The following ASIC4 variants were observed in gnomAD, a reference collection of about 807,000 sequenced individuals.
ASIC4 encodes acid-sensing ion channel 4.
ASIC4 carries 28 observed loss-of-function variants against 53.4 expected under a neutral mutation model. The ratio of observed to expected loss-of-function variants is 0.52; its 90% CI spans 0.39 to 0.72. ASIC4 has a LOEUF of 0.72. Ranked by LOEUF, ASIC4 falls within the 30% of genes least tolerant of loss-of-function variation. The pLI, the probability that ASIC4 is intolerant of heterozygous loss-of-function variation, is 0.00. For missense variants in ASIC4, 649 were observed against 729.7 expected, an observed-to-expected ratio of 0.89 and a Z score of 1.27; for synonymous variants, 289 against 301.4, an observed-to-expected ratio of 0.96 and a Z score of 0.43.
chr2:219,528,879 C>A (rs750602728), intron 1 of ASIC4, among the ~76,000 whole-genome samples: 3 of 152,174 alleles, frequency 2.0e-5, no homozygotes, highest in Non-Finnish European at 2.9e-5. Flanking sequence ...TTCAGAGTTC[C>A]TCCACCTCCA....
chr2:219,521,709 C>A (rs1574489333), intron 1 of ASIC4, among the ~76,000 whole-genome samples: 1 of 117,984 alleles, frequency 8.5e-6, no homozygotes, highest in Non-Finnish European at 1.7e-5. Flanking sequence ...AGAGGCCGGC[C>A]TCAGGCTGCC....
chr2:219,516,645 C>A lies in ASIC4; in HGVS notation c.582+1339C>A. On this transcript the variant is annotated intron_variant, in intron 1 of 9. Coordinates refer to ENST00000358078, the MANE Select transcript of ASIC4 (RefSeq NM_018674.6). This position sits in a 1 kb window ranked among gnomAD's most constrained non-coding sequence, Gnocchi z 4.9. Reference sequence around the variant, plus strand: ...CAACATGGTGCCCACTCCAGCCCAGCCTCCAGCAGCCAGCCCCAGTGATAG... The same window carrying A: ...CAACATGGTGCCCACTCCAGCCCAGACTCCAGCAGCCAGCCCCAGTGATAG... The A allele has an allele frequency of 6.5e-6, 1 of 152,740 alleles. No individual in the cohort carries two copies. The allele number at this position is 152,740 out of a possible 1,614,324, so 9.5% of individuals were successfully genotyped here. A position where few individuals can be genotyped will look rare whatever the true frequency, so the allele number is the denominator to read the frequency against.
In ASIC4 at chr2:219,538,527, C is replaced by T. The variant is rs937279664; in HGVS notation, c.*481C>T. On this transcript the variant is annotated 3_prime_UTR_variant, in exon 10 of 10. Coordinates refer to ENST00000358078, the MANE Select transcript of ASIC4 (RefSeq NM_018674.6). ...CAGGAGTGCTGGGCTGGTCCTACTT[C>T]CTGCCCCTCTCCAGGCCCAGCTCCC... The T allele has an allele frequency of 6.1e-6, 1 of 165,146 alleles. No homozygotes were observed. The highest frequency in any genetic ancestry group is 2.4e-5 in the African/African-American group (1 of 41,482). The allele number at this position is 165,146 out of a possible 1,614,324, so 10.2% of individuals were successfully genotyped here. A position where few individuals can be genotyped will look rare whatever the true frequency, so the allele number is the denominator to read the frequency against.
chr2:219,532,746 G>A, intron 4 of ASIC4, 137 bp from the exon 5 acceptor site: 1 of 921,996 alleles, frequency 1.1e-6, no homozygotes, highest in Non-Finnish European at 1.7e-6. Context: ...ATTTGTGGGG[G>A]TTGTGTGTGT....
At chr2:219,510,942 C>T (rs1017153951), upstream of ASIC4, among the ~76,000 whole-genome samples, 1 of 152,130 alleles carries the variant, frequency 6.6e-6, no homozygotes, top group Non-Finnish European at 1.5e-5. This position sits in a 1 kb window ranked among gnomAD's most constrained non-coding sequence, Gnocchi z 5.2. Flanking sequence ...CCCCTCGGCC[C>T]CTGCACAGCC....
intron 1 of ASIC4, among the ~76,000 whole-genome samples, chr2:219,530,347 C>T (rs996771507): frequency 6.6e-6 from 1 of 152,258 alleles, no homozygotes; most frequent in African/African-American, 2.4e-5. Context: ...GGCGCCAGCG[C>T]CATCTGCTGT....
At position 219,537,005 on chromosome 2, in the gene ASIC4, C is replaced by T; in HGVS notation, c.1230-61C>T. ...ATCAGGATCTGCTGGATCCAGGATG[C>T]CCCTGCCAGCCTTCTCAGGAAGAGA... On this transcript the variant is annotated intron_variant, in intron 6 of 9. Coordinates refer to ENST00000358078, the MANE Select transcript of ASIC4 (RefSeq NM_018674.6). This position sits in a 1 kb window ranked among gnomAD's most constrained non-coding sequence, Gnocchi z 4.9. 6.9e-7 allele frequency: 1 copy of T among 1,451,200 alleles called. No homozygotes were observed. The allele number at this position is 1,451,200 out of a possible 1,614,324, so 89.9% of individuals were successfully genotyped here. A position where few individuals can be genotyped will look rare whatever the true frequency, so the allele number is the denominator to read the frequency against.
the ASIC4 span, among the ~76,000 whole-genome samples, chr2:219,508,212 C>T: frequency 3.3e-5 from 5 of 152,172 alleles, no homozygotes; most frequent in Non-Finnish European, 7.3e-5. Flanking sequence ...AGAGGGTGGG[C>T]CATAGGACCA....
chr2:219,535,025 C>G, intron 5 of ASIC4, 146 bp from the exon 6 acceptor site: 1 of 1,241,670 alleles, frequency 8.1e-7, no homozygotes, highest in Non-Finnish European at 1.1e-6. Flanking sequence ...CCAGTCCCCT[C>G]TAGGAAGCAC....
chr2:219,519,104 C>T (rs956237199), intron 1 of ASIC4, among the ~76,000 whole-genome samples: 2 of 152,188 alleles, frequency 1.3e-5, no homozygotes, highest in African/African-American at 2.4e-5. Flanking sequence ...TGGGGTTTCA[C>T]TGTGTTAGCC....
chr2:219,516,364 CT>C lies in ASIC4; in HGVS notation c.582+1059del, dbSNP rs370365792. 2.3e-4 allele frequency among the ~76,000 whole-genome samples: 35 copies of C among 152,268 alleles called. No individual in the cohort carries two copies. Among genetic ancestry groups the C allele is most frequent in the Middle Eastern group, 3.4e-3 (1 of 294 alleles). On this transcript the variant is annotated intron_variant, in intron 1 of 9. Transcript: ENST00000358078. The surrounding 1 kb of genome is among the most constrained non-coding windows in gnomAD (Gnocchi z 4.9). ...ACGTGTGAGCACAAACACAAGCACCCTCTCCGGGAGAGGGGTGTGAGCTTGG... is the reference window on the plus strand; with the variant it reads ...ACGTGTGAGCACAAACACAAGCACCCCTCCGGGAGAGGGGTGTGAGCTTGG...
In ASIC4 at chr2:219,514,871, C is replaced by T. The variant is rs760425898; in HGVS notation, c.147C>T (p.Ser49=). 1.9e-6 allele frequency: 3 copies of T among 1,612,854 alleles called. No homozygotes were observed. Among genetic ancestry groups the T allele is most frequent in the African/African-American group, 2.7e-5 (2 of 74,886 alleles). ...PRDLATFAST[S]TLHGLGRACG... ...ACCTGGCCACCTTTGCCAGCACCAG[C>T]ACCCTGCATGGACTGGGCCGGGCCT... The change falls in exon 1 of 10, where the codon AGC becomes AGT. Residue 49 remains serine (S), a synonymous_variant. Transcript: ENST00000358078.
In ASIC4 at chr2:219,526,632, G is replaced by A. The variant is rs75375681; in HGVS notation, c.583-5126G>A. Among the ~76,000 whole-genome samples the A allele has an allele frequency of 6.8e-3, 1,036 of 152,202 alleles. 4 individuals are homozygous for A. The highest frequency in any genetic ancestry group is 0.041 in the Middle Eastern group (12 of 294). On this transcript the variant is annotated intron_variant, in intron 1 of 9. Coordinates refer to ENST00000358078, the MANE Select transcript of ASIC4 (RefSeq NM_018674.6). ...GAGAAGGACTCGAGAGACAGACTGA[G>A]ATCAGGAAACAGAGGCTAGCGAGGC...
chr2:219,508,295 G>A, the ASIC4 span, among the ~76,000 whole-genome samples: 1 of 152,176 alleles, frequency 6.6e-6, no homozygotes. Flanking sequence ...AGAGGCCATG[G>A]CAGCTCCATC....
the ASIC4 span, among the ~76,000 whole-genome samples, chr2:219,508,583 C>CA: frequency 6.6e-6 from 1 of 151,976 alleles, no homozygotes; most frequent in Non-Finnish European, 1.5e-5. Context: ...ATGCCCCCCC[C>CA]ACTCCTCCCC....
At chr2:219,531,163 A>G (rs1040361820) in intron 1 of ASIC4, among the ~76,000 whole-genome samples, 1 of 151,916 alleles carries the variant, frequency 6.6e-6, no homozygotes, top group Non-Finnish European at 1.5e-5. Flanking sequence ...AGCCTGGGCA[A>G]CATAGAAAGA....
Position 219,531,203 on chromosome 2 carries a change from TA to T in ASIC4, c.583-542del, listed in dbSNP as rs35070228. Among the ~76,000 whole-genome samples, 1,014 of 144,948 alleles carry T rather than the reference TA, an allele frequency of 7.0e-3. 3 individuals carry two copies. Among genetic ancestry groups the T allele is most frequent in the African/African-American group, 0.018 (704 of 39,718 alleles). On this transcript the variant is annotated intron_variant, in intron 1 of 9. Transcript: ENST00000358078. ...GTCTCTACAAAAATAAAATAAAAAGTAAAAAAAAAAAAATTAGCTGGGCTTG... is the reference window on the plus strand; with the variant it reads ...GTCTCTACAAAAATAAAATAAAAAGTAAAAAAAAAAAATTAGCTGGGCTTG...
At chr2:219,520,141 A>G (rs577198756) in intron 1 of ASIC4, among the ~76,000 whole-genome samples, 10 of 152,044 alleles carry the variant, frequency 6.6e-5, no homozygotes, top group South Asian at 6.2e-4. Flanking sequence ...TCCATCCCCT[A>G]TGGGCTCTCC....
At chr2:219,509,269 G>T (rs1022320161), upstream of ASIC4, among the ~76,000 whole-genome samples, 8 of 152,024 alleles carry the variant, frequency 5.3e-5, no homozygotes, top group African/African-American at 1.9e-4. The surrounding 1 kb of genome is among the most constrained non-coding windows in gnomAD (Gnocchi z 5.2). Flanking sequence ...CACCACATCT[G>T]CTGCATCCGC....
Sources: allele counts gnomAD v4.1 joint callset (sites outside exome capture counted in the v4.1 genomes callset), GRCh38; gene constraint gnomAD v4.1.1; non-coding constraint Gnocchi (gnomAD v3.1); transcripts MANE v1.5; gene names NCBI Gene and HGNC (gene_info 2026-07-23, HGNC 2026-07-21).